The following HS3ST4 variants were observed in gnomAD, a reference collection of about 807,000 sequenced individuals.
The protein encoded by HS3ST4 is heparan sulfate-glucosamine 3-sulfotransferase 4.
Under a neutral mutation model 29.2 loss-of-function variants are expected in HS3ST4, and 17 were observed. The observed-to-expected ratio is 0.58, with a 90% CI of 0.40 to 0.87. HS3ST4 has a LOEUF of 0.87. Ranked by LOEUF, HS3ST4 falls within the 40% of genes least tolerant of loss-of-function variation. The pLI is 0.00. For synonymous variants in HS3ST4, 314 were observed against 285.7 expected (o/e 1.10, Z -1.00); for missense variants, 627 against 634.5 (o/e 0.99, Z 0.13).
chr16:25,757,220 A>T (rs966392096), intron 1 of HS3ST4, among the ~76,000 whole-genome samples: 3 of 152,170 alleles, frequency 2.0e-5, no homozygotes, highest in African/African-American at 7.2e-5. Flanking sequence ...ATTAGACTAG[A>T]TCCCAGTACC....
intron 1 of HS3ST4, among the ~76,000 whole-genome samples, chr16:25,754,789 G>A (rs1341849494): frequency 1.3e-5 from 2 of 151,616 alleles, no homozygotes; most frequent in African/African-American, 4.8e-5. Context: ...CAACACATGG[G>A]GATTATGGGA....
intron 1 of HS3ST4, among the ~76,000 whole-genome samples, chr16:26,041,433 T>G (rs1567300010): frequency 6.6e-6 from 1 of 152,152 alleles, no homozygotes; most frequent in Non-Finnish European, 1.5e-5. Context: ...CCAGCCCTAC[T>G]CTAGGCCAAT....
chr16:26,002,663 G>C (rs1015481830), intron 1 of HS3ST4, among the ~76,000 whole-genome samples: 2 of 137,968 alleles, frequency 1.4e-5, no homozygotes, highest in African/African-American at 5.4e-5. Context: ...GAAAGAGAGA[G>C]AGGGAAAGAG....
At chr16:25,723,493 CAAAT>C (rs1413986975) in intron 1 of HS3ST4, among the ~76,000 whole-genome samples, 1 of 152,132 alleles carries the variant, frequency 6.6e-6, no homozygotes, top group Non-Finnish European at 1.5e-5. Flanking sequence ...TAGGAATACA[CAAAT>C]AAATCATAAG....
chr16:25,965,318 G>A (rs1013566629), intron 1 of HS3ST4, among the ~76,000 whole-genome samples: 1 of 151,426 alleles, frequency 6.6e-6, no homozygotes, highest in Non-Finnish European at 1.5e-5. Context: ...GAACAGGACA[G>A]GAGAATCAAT....
At chr16:26,120,632 C>A (rs1899263302) in intron 1 of HS3ST4, among the ~76,000 whole-genome samples, 1 of 152,192 alleles carries the variant, frequency 6.6e-6, no homozygotes, top group African/African-American at 2.4e-5. Context: ...ACACTGACAC[C>A]TGTCATGTAT....
chr16:25,862,017 A>G lies in HS3ST4; in HGVS notation c.734+168866A>G, dbSNP rs112976774. 2.5e-3 allele frequency among the ~76,000 whole-genome samples: 376 copies of G among 152,148 alleles called. 1 individual carries two copies. The highest frequency in any genetic ancestry group is 8.5e-3 in the African/African-American group (351 of 41,508). ...CTTGTGGAAGACAGTTTTTCCATGG[A>G]TGGAATGGGGTAGGGGAAGGTGGTT... On this transcript the variant is annotated intron_variant, in intron 1 of 1. Coordinates refer to ENST00000331351, the MANE Select transcript of HS3ST4 (RefSeq NM_006040.3).
chr16:26,134,357 CT>C (rs1167036022), intron 1 of HS3ST4, among the ~76,000 whole-genome samples: 1 of 109,066 alleles, frequency 9.2e-6, no homozygotes. Flanking sequence ...CTTTTCTTTT[CT>C]TTTCTTTTTT....
intron 1 of HS3ST4, among the ~76,000 whole-genome samples, chr16:26,106,563 G>A (rs1320460728): frequency 6.6e-6 from 1 of 152,200 alleles, no homozygotes; most frequent in East Asian, 1.9e-4. Context: ...TAGTCATGCA[G>A]CTCAAACCAA....
intron 1 of HS3ST4, among the ~76,000 whole-genome samples, chr16:25,990,459 CTT>C (rs1969104849): frequency 6.6e-6 from 1 of 152,220 alleles, no homozygotes; most frequent in South Asian, 2.1e-4. Flanking sequence ...TTTTAAAGAG[CTT>C]TAGAACCCAG....
At chr16:25,834,643 T>G (rs1285671567) in intron 1 of HS3ST4, among the ~76,000 whole-genome samples, 1 of 152,112 alleles carries the variant, frequency 6.6e-6, no homozygotes, top group Non-Finnish European at 1.5e-5. Context: ...GGATGAATAT[T>G]TATAAGAAAT....
rs1230524887 is a variant in HS3ST4, at chr16:25,873,520, ATCTG to A, written c.734+180373_734+180376del. 7.8e-3 allele frequency among the ~76,000 whole-genome samples: 1,107 copies of A among 142,528 alleles called. 20 individuals carry two copies. Among genetic ancestry groups the A allele is most frequent in the African/African-American group, 0.023 (849 of 37,484 alleles). The allele number at this position is 142,528 out of a possible 152,430, so 93.5% of individuals were successfully genotyped here. ...TATCTATCTATCTATCTATCTATCT[ATCTG>A]TCTATCTATCTATCTTTCTCTATCT... On this transcript the variant is annotated intron_variant, in intron 1 of 1. Transcript: ENST00000331351.
At chr16:25,705,632 C>T (rs1966371140) in intron 1 of HS3ST4, among the ~76,000 whole-genome samples, 1 of 151,936 alleles carries the variant, frequency 6.6e-6, no homozygotes, top group Non-Finnish European at 1.5e-5. Context: ...CCACTACACT[C>T]CAGCCTGGTG....
At chr16:26,110,381 G>A (rs1386708203) in intron 1 of HS3ST4, among the ~76,000 whole-genome samples, 4 of 152,060 alleles carry the variant, frequency 2.6e-5, no homozygotes, top group Admixed American at 2.0e-4. Context: ...TGTAGACGAG[G>A]CATCTCAAAC....
intron 1 of HS3ST4, among the ~76,000 whole-genome samples, chr16:25,747,922 G>C (rs1051113283): frequency 3.9e-5 from 6 of 152,180 alleles, no homozygotes; most frequent in African/African-American, 1.4e-4. Context: ...AAGCAGGTGT[G>C]TGCTCCTGAA....
At chr16:26,036,627 C>A (rs1178751138) in intron 1 of HS3ST4, among the ~76,000 whole-genome samples, 1 of 152,036 alleles carries the variant, frequency 6.6e-6, no homozygotes, top group Non-Finnish European at 1.5e-5. Flanking sequence ...TACTTTTTTT[C>A]CTATGCATTC....
chr16:25,850,811 G>A (rs1337341223), intron 1 of HS3ST4, among the ~76,000 whole-genome samples: 1 of 152,202 alleles, frequency 6.6e-6, no homozygotes, highest in Non-Finnish European at 1.5e-5. Context: ...CTAGGTCGTT[G>A]TGTCTGGAAA....
intron 1 of HS3ST4, among the ~76,000 whole-genome samples, chr16:25,752,141 T>A (rs1453253640): frequency 6.6e-6 from 1 of 152,188 alleles, no homozygotes; most frequent in African/African-American, 2.4e-5. Context: ...AATAAATATG[T>A]CACACAAAGA....
At chr16:25,754,602 A>G (rs1304124252) in intron 1 of HS3ST4, among the ~76,000 whole-genome samples, 1 of 152,168 alleles carries the variant, frequency 6.6e-6, no homozygotes, top group Non-Finnish European at 1.5e-5. Context: ...GTCTCAGGAA[A>G]CTTAACAATC....
Sources: gnomAD v4.1 joint callset for allele counts (sites outside exome capture counted in the v4.1 genomes callset) on GRCh38, gnomAD v4.1.1 for gene constraint, MANE v1.5 for transcripts, NCBI Gene and HGNC (gene_info 2026-07-23, HGNC 2026-07-21) for gene names.